SLC25A17: variants seen among roughly 807,000 people sequenced by gnomAD.
The protein encoded by SLC25A17 is peroxisomal membrane protein PMP34.
In SLC25A17, 26 loss-of-function variants were observed where a neutral mutation model predicts 38.5. The observed-to-expected ratio is 0.68, with a 90% CI of 0.50 to 0.94. The LOEUF is 0.94. Among genes scored for constraint, SLC25A17 ranks in the 40% least tolerant of loss-of-function variants. The pLI is 0.00. For synonymous variants in SLC25A17, 139 were observed against 136.2 expected (o/e 1.02, Z -0.14); for missense variants, 333 against 372.7 (o/e 0.89, Z 0.88).
At chr22:40,794,870 C>T (rs566046538) in intron 2 of SLC25A17, among the ~76,000 whole-genome samples, 42 of 152,198 alleles carry the variant, frequency 2.8e-4, no homozygotes, top group African/African-American at 9.9e-4. Context: ...CTGCCCACCT[C>T]GGCCTCCCAA....
chr22:40,819,070 G>A (rs1043677594), intron 1 of SLC25A17, 125 bp downstream of exon 1: 3 of 1,028,336 alleles, frequency 2.9e-6, no homozygotes, highest in Non-Finnish European at 4.3e-6. Context: ...CTGCCCCACA[G>A]TCATGACAGT....
chr22:40,771,673 T>C (rs1259232979), intron 8 of SLC25A17, among the ~76,000 whole-genome samples: 1 of 151,974 alleles, frequency 6.6e-6, no homozygotes, highest in African/African-American at 2.4e-5. Context: ...ATTGAACTCA[T>C]GGAGATAAAG....
intron 1 of SLC25A17, among the ~76,000 whole-genome samples, chr22:40,812,638 T>A (rs2057594613): frequency 6.6e-6 from 1 of 152,208 alleles, no homozygotes; most frequent in South Asian, 2.1e-4. Flanking sequence ...GGTCCCGACG[T>A]GGCTGAGTCA....
intron 3 of SLC25A17, 133 bp from the exon 4 acceptor site, chr22:40,792,809 A>T: frequency 1.4e-6 from 1 of 729,168 alleles, no homozygotes; most frequent in Non-Finnish European, 2.2e-6. Context: ...GGGACTCCAA[A>T]CTGTACACAC....
At chr22:40,816,198 CAAA>C (rs566246442) in intron 1 of SLC25A17, among the ~76,000 whole-genome samples, 1 of 81,896 alleles carries the variant, frequency 1.2e-5, no homozygotes. Context: ...AACTCCATCT[CAAA>C]AAAAAAAAAA....
At chr22:40,781,678 C>T (rs181840006) in intron 4 of SLC25A17, among the ~76,000 whole-genome samples, 1 of 152,180 alleles carries the variant, frequency 6.6e-6, no homozygotes. Flanking sequence ...TACTTTTTTT[C>T]ACTCTCTAAG....
chr22:40,816,352 T>C (rs2057639538), intron 1 of SLC25A17, among the ~76,000 whole-genome samples: 1 of 152,154 alleles, frequency 6.6e-6, no homozygotes, highest in Non-Finnish European at 1.5e-5. Context: ...CTATGGCCTA[T>C]GGGCCAAATC....
chr22:40,796,951 G>C (rs1409399972), intron 2 of SLC25A17, among the ~76,000 whole-genome samples: 2 of 151,968 alleles, frequency 1.3e-5, no homozygotes, highest in Non-Finnish European at 2.9e-5. Flanking sequence ...TCAAAGTACA[G>C]GACAGCATGT....
intron 4 of SLC25A17, among the ~76,000 whole-genome samples, chr22:40,781,174 T>C (rs923273771): frequency 6.7e-6 from 1 of 149,882 alleles, no homozygotes; most frequent in African/African-American, 2.5e-5. Context: ...CTTTTCTTAT[T>C]AAAAAAAGAA....
chr22:40,819,191 T>A lies in SLC25A17; in HGVS notation c.54+4A>T. ...GCGGCCCGGGCGTAAAGACCCCGTCTCACCACGGCTCCGGCCACGGCGTGG... is the reference window on the plus strand; with the variant it reads ...GCGGCCCGGGCGTAAAGACCCCGTCACACCACGGCTCCGGCCACGGCGTGG... On this transcript the variant is annotated splice_donor_region_variant and intron_variant, in intron 1 of 8. Transcript: ENST00000435456. 2 of 1,612,932 alleles carry A rather than the reference T, an allele frequency of 1.2e-6. No individual in the cohort carries two copies. Among genetic ancestry groups the A allele is most frequent in the Non-Finnish European group, 8.5e-7 (1 of 1,179,908 alleles).
At chr22:40,798,508 A>G (rs2057450322) in intron 2 of SLC25A17, among the ~76,000 whole-genome samples, 1 of 152,094 alleles carries the variant, frequency 6.6e-6, no homozygotes. Flanking sequence ...GAGCAACTTT[A>G]GGCCCCAGTC....
chr22:40,781,400 T>C (rs1042232242), intron 4 of SLC25A17, among the ~76,000 whole-genome samples: 5 of 152,030 alleles, frequency 3.3e-5, no homozygotes, highest in Non-Finnish European at 7.4e-5. Flanking sequence ...CGCCCGCCAC[T>C]GCGCCCGACT....
intron 3 of SLC25A17, 98 bp from the exon 4 acceptor site, chr22:40,792,774 A>C: frequency 8.2e-7 from 1 of 1,218,526 alleles, no homozygotes; most frequent in South Asian, 1.4e-5. Context: ...ACATGGTCTC[A>C]AGCTTCACTC....
intron 5 of SLC25A17, among the ~76,000 whole-genome samples, chr22:40,778,780 T>C (rs1251033982): frequency 6.6e-6 from 1 of 151,962 alleles, no homozygotes; most frequent in African/African-American, 2.4e-5. Context: ...ACCGTCAGAG[T>C]GAACAGGCAA....
At chr22:40,810,728 T>C (rs1225534910) in intron 1 of SLC25A17, among the ~76,000 whole-genome samples, 3 of 152,216 alleles carry the variant, frequency 2.0e-5, no homozygotes, top group Admixed American at 6.5e-5. Flanking sequence ...TGACAAAATA[T>C]AGCAGTTTTT....
chr22:40,777,510 G>A (rs2057257154), intron 5 of SLC25A17, 137 bp from the exon 6 acceptor site: 1 of 1,040,798 alleles, frequency 9.6e-7, no homozygotes, highest in Non-Finnish European at 1.4e-6. Flanking sequence ...GCAGCCGGTT[G>A]CAATGGCTCA....
intron 1 of SLC25A17, among the ~76,000 whole-genome samples, chr22:40,810,849 A>G (rs2057574326): frequency 6.6e-6 from 1 of 152,162 alleles, no homozygotes; most frequent in African/African-American, 2.4e-5. Flanking sequence ...CTGATATCTT[A>G]TTAATCATTT....
intron 1 of SLC25A17, among the ~76,000 whole-genome samples, chr22:40,815,065 C>T (rs566901229): frequency 3.3e-5 from 5 of 151,990 alleles, no homozygotes; most frequent in East Asian, 1.9e-4. Flanking sequence ...GTGATCTGCC[C>T]GCCTCAGCCT....
intron 1 of SLC25A17, among the ~76,000 whole-genome samples, chr22:40,813,042 C>G (rs1724220397): frequency 6.6e-6 from 1 of 152,136 alleles, no homozygotes; most frequent in Admixed American, 6.6e-5. Context: ...ATCAAGCTAA[C>G]TCATACATAC....
Sources: allele counts gnomAD v4.1 joint callset (sites outside exome capture counted in the v4.1 genomes callset), GRCh38; gene constraint gnomAD v4.1.1; transcripts MANE v1.5; gene names NCBI Gene and HGNC (gene_info 2026-07-23, HGNC 2026-07-21).